The following CHRDL2 variants were observed in gnomAD, a reference collection of about 807,000 sequenced individuals.
The protein encoded by CHRDL2 is chordin-like protein 2.
CHRDL2 carries 41 observed loss-of-function variants against 54.3 expected under a neutral mutation model. The ratio of observed to expected loss-of-function variants is 0.76; its 90% CI spans 0.59 to 0.98. CHRDL2 has a LOEUF of 0.98. Among genes scored for constraint, CHRDL2 ranks in the 50% least tolerant of loss-of-function variants. The pLI is 0.00. For missense variants in CHRDL2, 518 were observed against 562.4 expected, an observed-to-expected ratio of 0.92 and a Z score of 0.80; for synonymous variants, 220 against 224.3, an observed-to-expected ratio of 0.98 and a Z score of 0.17.
chr11:74,714,749 G>A (rs529081628), intron 2 of CHRDL2, among the ~76,000 whole-genome samples: 2 of 152,338 alleles, frequency 1.3e-5, no homozygotes, highest in Non-Finnish European at 2.9e-5. Flanking sequence ...AAACTAGGAT[G>A]GAGTGCAAGG....
At chr11:74,715,552 G>A (rs1265880270) in intron 2 of CHRDL2, among the ~76,000 whole-genome samples, 2 of 150,990 alleles carry the variant, frequency 1.3e-5, no homozygotes, top group African/African-American at 4.9e-5. Context: ...ACAGTGAGCC[G>A]AGATTACGAC....
chr11:74,697,546 A>T (rs1171991481), intron 9 of CHRDL2: 2 of 550,684 alleles, frequency 3.6e-6, no homozygotes, highest in African/African-American at 3.8e-5. Context: ...AACCCCTTTC[A>T]CTCCCCCTCT....
At chr11:74,725,077 T>C (rs2034552280) in intron 1 of CHRDL2, among the ~76,000 whole-genome samples, 1 of 151,798 alleles carries the variant, frequency 6.6e-6, no homozygotes, top group Non-Finnish European at 1.5e-5. Flanking sequence ...CACTGCAACC[T>C]CCGCCTCCCA....
intron 5 of CHRDL2, among the ~76,000 whole-genome samples, chr11:74,707,502 G>A (rs909026627): frequency 4.6e-5 from 7 of 152,158 alleles, no homozygotes; most frequent in African/African-American, 1.4e-4. Context: ...TTTATAAGAG[G>A]TTCTACCTGG....
At chr11:74,712,360 G>A (rs2034220940) in intron 3 of CHRDL2, among the ~76,000 whole-genome samples, 1 of 152,132 alleles carries the variant, frequency 6.6e-6, no homozygotes. Flanking sequence ...ACAGGGGCAG[G>A]GGATGGGAAG....
chr11:74,730,885 C>G lies in CHRDL2; in HGVS notation c.4G>C (p.Val2Leu), dbSNP rs372556408. The stretch of plus-strand genomic sequence containing the variant: ...GAGGAGAGGACCCTCACCTCGGGAA[C>G]CATCCTTTCCCCAGGGTCAGGCCGC... The part of the protein sequence containing the change: M[V>L]PEVRVLSSLL... The change falls in exon 1 of 11, where the codon GTT (valine) becomes CTT (leucine). Residue 2 changes from valine to leucine, a missense_variant. Physicochemically the swap from Val to Leu is conservative, Grantham distance 32. Coordinates refer to ENST00000376332, the MANE Select transcript of CHRDL2 (RefSeq NM_001278473.3). 33 of 1,608,546 alleles carry G rather than the reference C, an allele frequency of 2.1e-5. No homozygotes were observed. Among genetic ancestry groups the G allele is most frequent in the Non-Finnish European group, 2.6e-5 (31 of 1,177,878 alleles).
chr11:74,698,718 CA>C (rs1306646810), intron 9 of CHRDL2: 25,072 of 146,384 alleles, frequency 0.17, 2,228 homozygotes, highest in East Asian at 0.25. Context: ...CACACACACA[CA>C]CACCCCACAT....
intron 1 of CHRDL2, among the ~76,000 whole-genome samples, chr11:74,729,817 A>G (rs116497278): frequency 0.014 from 2,058 of 152,276 alleles, 41 homozygotes; most frequent in African/African-American, 0.046. Context: ...TTCCATCCTC[A>G]CAGCATTCTA....
intron 9 of CHRDL2, chr11:74,698,230 ATTTTT>A (rs10669554): frequency 7.4e-6 from 1 of 134,248 alleles, no homozygotes; most frequent in Admixed American, 7.6e-5. Context: ...CACCTGGCTA[ATTTTT>A]TTTTTTTTTT....
chr11:74,722,022 G>T (rs2034507705), intron 1 of CHRDL2, among the ~76,000 whole-genome samples: 1 of 152,136 alleles, frequency 6.6e-6, no homozygotes, highest in Non-Finnish European at 1.5e-5. Flanking sequence ...ATGATTCTTG[G>T]ATGTGTTGAT....
rs1309284621 is a variant in CHRDL2, at chr11:74,731,011, G to A, written c.-123C>T. Reference sequence around the variant, plus strand: ...ACCCCAGGAGGTCTGCTGCTAGAGCGGGGTCGGAGAAGGGCCAGGAAGCAG... The same window carrying A: ...ACCCCAGGAGGTCTGCTGCTAGAGCAGGGTCGGAGAAGGGCCAGGAAGCAG... On this transcript the variant is annotated 5_prime_UTR_variant, in exon 1 of 11. Coordinates refer to ENST00000376332, the MANE Select transcript of CHRDL2 (RefSeq NM_001278473.3). The surrounding 1 kb of genome is among the most constrained non-coding windows in gnomAD (Gnocchi z 4.4). 1.6e-5 allele frequency: 12 copies of A among 771,378 alleles called. No homozygotes were observed. The highest frequency in any genetic ancestry group is 2.4e-4 in the Middle Eastern group (1 of 4,148). The allele number at this position is 771,378 out of a possible 1,614,324, so 47.8% of individuals were successfully genotyped here. A position where few individuals can be genotyped will look rare whatever the true frequency, so the allele number is the denominator to read the frequency against.
chr11:74,709,060 C>T (rs745924626), intron 4 of CHRDL2, among the ~76,000 whole-genome samples: 2 of 152,222 alleles, frequency 1.3e-5, no homozygotes, highest in Non-Finnish European at 2.9e-5. Context: ...GCACTATTGC[C>T]CTGAGACCTT....
intron 10 of CHRDL2, among the ~76,000 whole-genome samples, chr11:74,696,913 A>G (rs932223939): frequency 2.8e-4 from 42 of 152,224 alleles, no homozygotes; most frequent in African/African-American, 9.9e-4. Flanking sequence ...GAAACATTCC[A>G]GTAGAGAGGG....
chr11:74,700,701 C>T (rs977954515), intron 9 of CHRDL2, among the ~76,000 whole-genome samples: 45 of 150,322 alleles, frequency 3.0e-4, no homozygotes, highest in African/African-American at 9.6e-4. Context: ...TGCAGTGGCA[C>T]GATCTTAGCT....
chr11:74,713,517 C>G (rs1357038384), intron 2 of CHRDL2, 38 bp from the exon 3 acceptor site: 1 of 1,526,072 alleles, frequency 6.6e-7, no homozygotes. Flanking sequence ...GTTCAAAGAA[C>G]CATCGTCTTC....
In CHRDL2 at chr11:74,701,632, C is replaced by A. The variant is rs1174381331; in HGVS notation, c.1120+1162G>T. ...GGGCCAGGTACTTCACCTCTCTGAG[C>A]CTCAGTTTCCTCATCTGTAAAATGG... On this transcript the variant is annotated intron_variant, in intron 9 of 10. Coordinates refer to ENST00000376332, the MANE Select transcript of CHRDL2 (RefSeq NM_001278473.3). 8 of 716,938 alleles carry A rather than the reference C, an allele frequency of 1.1e-5. No homozygotes were observed. In the South Asian group the frequency reaches 1.2e-4, roughly 11 times the overall value. 44.4% of individuals were successfully genotyped at this position (716,938 alleles called of 1,614,324 possible). A position where few individuals can be genotyped will look rare whatever the true frequency, so the allele number is the denominator to read the frequency against.
chr11:74,718,811 A>G lies in CHRDL2; in HGVS notation c.104T>C (p.Phe35Ser), dbSNP rs1261495734. The stretch of plus-strand genomic sequence containing the variant: ...GCCGGGGGAGTATCTCTTCCCATGG[A>G]AAAGGCAGAACATGTCTGGGCCTGG... ...ARARPDMFCL[F>S]HGKRYSPGES... is the part of the protein sequence containing the mutation. Residue 35 changes from phenylalanine (F) to serine (S), a missense_variant, in exon 2 of 11, where the codon TTC (phenylalanine) becomes TCC (serine). Phe to Ser is a radical substitution (Grantham distance 155, BLOSUM62 -2). Coordinates refer to ENST00000376332, the MANE Select transcript of CHRDL2 (RefSeq NM_001278473.3). 1 of 1,611,666 alleles carries G rather than the reference A, an allele frequency of 6.2e-7. No individual in the cohort carries two copies. Among genetic ancestry groups the G allele is most frequent in the African/African-American group, 1.3e-5 (1 of 74,972 alleles).
At chr11:74,708,041 T>C (rs1193589654) in intron 5 of CHRDL2, among the ~76,000 whole-genome samples, 1 of 152,194 alleles carries the variant, frequency 6.6e-6, no homozygotes, top group African/African-American at 2.4e-5. Flanking sequence ...GACATATTCC[T>C]GTATTGCTTC....
chr11:74,731,226 C>A lies in CHRDL2; in HGVS notation c.-338G>T. 5.2e-6 allele frequency: 1 copy of A among 193,948 alleles called. No individual in the cohort carries two copies. The highest frequency in any genetic ancestry group is 1.4e-4 in the South Asian group (1 of 7,396). 12.0% of individuals were successfully genotyped at this position (193,948 alleles called of 1,614,324 possible). ...AAGCAGGGAGAGGACCGGCGTCTGC[C>A]GAGCGCGCAGCGCCGGGCGAGGCGC... is the stretch of plus-strand genomic sequence containing the variant. On this transcript the variant is annotated 5_prime_UTR_variant, in exon 1 of 11. Transcript: ENST00000376332. The surrounding 1 kb of genome is among the most constrained non-coding windows in gnomAD (Gnocchi z 4.4).
Sources: gnomAD v4.1 joint callset for allele counts (sites outside exome capture counted in the v4.1 genomes callset) on GRCh38, gnomAD v4.1.1 for gene constraint, Gnocchi (gnomAD v3.1) non-coding constraint, MANE v1.5 for transcripts, NCBI Gene and HGNC (gene_info 2026-07-23, HGNC 2026-07-21) for gene names.